The following CCDC138 variants were observed in gnomAD, a reference collection of about 807,000 sequenced individuals.
The protein encoded by CCDC138 is coiled-coil domain containing 138.
Under a neutral mutation model 82.3 loss-of-function variants are expected in CCDC138, and 66 were observed. That is an observed-to-expected ratio of 0.80 (90% CI 0.66 to 0.98). The LOEUF is 0.98. Ranked by LOEUF, CCDC138 falls within the 50% of genes least tolerant of loss-of-function variation. CCDC138 has a pLI of 0.00. For missense variants in CCDC138, 816 were observed against 758.9 expected (o/e 1.08, Z -0.88); for synonymous variants, 297 against 265.4 (o/e 1.12, Z -1.16).
intron 10 of CCDC138, among the ~76,000 whole-genome samples, chr2:108,829,614 T>G (rs1053606925): frequency 1.6e-4 from 25 of 152,286 alleles, no homozygotes; most frequent in African/African-American, 5.3e-4. Flanking sequence ...AGTGTGGTGA[T>G]GCACACCTGT....
At chr2:108,806,686 A>AT (rs1404683843) in intron 7 of CCDC138, among the ~76,000 whole-genome samples, 3 of 152,262 alleles carry the variant, frequency 2.0e-5, no homozygotes, top group Admixed American at 2.0e-4. Context: ...CAATGGGCAT[A>AT]TTTAGCCAGC....
At chr2:108,852,417 T>G (rs1282091833) in intron 12 of CCDC138, among the ~76,000 whole-genome samples, 1 of 152,188 alleles carries the variant, frequency 6.6e-6, no homozygotes, top group Non-Finnish European at 1.5e-5. Flanking sequence ...CCCAAACTAA[T>G]AGAAATTGTT....
rs939919196 is a variant in CCDC138, at chr2:108,846,862, T to C, written c.1448T>C (p.Phe483Ser). The C allele has an allele frequency of 1.2e-6, 2 of 1,613,838 alleles. No individual in the cohort carries two copies. Among genetic ancestry groups the C allele is most frequent in the African/African-American group, 1.3e-5 (1 of 75,030 alleles). ...SVENKPKTAA[F>S]FKSSNLPLRF... ...GAGAATAAACCAAAGACAGCTGCTTTCTTTAAGAGCTCCAATTTGCCATTG... is the reference window on the plus strand; with the variant it reads ...GAGAATAAACCAAAGACAGCTGCTTCCTTTAAGAGCTCCAATTTGCCATTG... Residue 483 changes from phenylalanine to serine, a missense_variant, in exon 12 of 15, where the codon TTC (phenylalanine) becomes TCC (serine). Transcript: ENST00000295124.
intron 11 of CCDC138, among the ~76,000 whole-genome samples, chr2:108,842,270 C>A (rs961922179): frequency 6.6e-6 from 1 of 151,332 alleles, no homozygotes; most frequent in African/African-American, 2.4e-5. Flanking sequence ...AACTCTTGGC[C>A]TCAAGTGATC....
At chr2:108,844,586 C>T (rs994389431) in intron 11 of CCDC138, among the ~76,000 whole-genome samples, 12 of 152,150 alleles carry the variant, frequency 7.9e-5, no homozygotes, top group African/African-American at 2.9e-4. Flanking sequence ...CTTTCTGGTC[C>T]TTGGAATGGT....
chr2:108,809,330 AT>A (rs1683381371), intron 7 of CCDC138, among the ~76,000 whole-genome samples: 1 of 151,902 alleles, frequency 6.6e-6, no homozygotes, highest in South Asian at 2.1e-4. Flanking sequence ...ACAGTTTAGA[AT>A]TTTTTTCTAT....
chr2:108,811,247 C>CTCTTTTTTTTTTTT (rs760937756), intron 7 of CCDC138, among the ~76,000 whole-genome samples: 11 of 113,902 alleles, frequency 9.7e-5, no homozygotes, highest in South Asian at 3.0e-4. Flanking sequence ...TTCTCTCTCT[C>CTCTTTTTTTTTTTT]TTTTTTTTTT....
intron 5 of CCDC138, among the ~76,000 whole-genome samples, chr2:108,797,354 G>A (rs10211606): frequency 0.084 from 12,755 of 152,154 alleles, 710 homozygotes; most frequent in African/African-American, 0.15. Flanking sequence ...GGAAAGAGAC[G>A]GCAGTATAAA....
chr2:108,838,222 G>A (rs1273671509), intron 10 of CCDC138, among the ~76,000 whole-genome samples: 1 of 152,134 alleles, frequency 6.6e-6, no homozygotes, highest in African/African-American at 2.4e-5. Context: ...TCTAGGCCGA[G>A]CACTTTGCTG....
At chr2:108,861,760 C>T (rs1049530460) in intron 13 of CCDC138, among the ~76,000 whole-genome samples, 3 of 152,114 alleles carry the variant, frequency 2.0e-5, no homozygotes, top group Admixed American at 6.6e-5. Context: ...GGATTACAGG[C>T]GTGAGCCACC....
chr2:108,809,480 GT>G (rs1683428781), intron 7 of CCDC138, among the ~76,000 whole-genome samples: 2 of 150,338 alleles, frequency 1.3e-5, no homozygotes, highest in African/African-American at 5.0e-5. Flanking sequence ...GTGTGTGTGT[GT>G]GTGTGTGATC....
At chr2:108,786,756 C>T (rs1438898934), upstream of CCDC138, 9 of 1,437,394 alleles carry the variant, frequency 6.3e-6, no homozygotes, top group Non-Finnish European at 8.6e-6. Context: ...TGACGCACTG[C>T]GGCCGCGTAG....
At chr2:108,854,489 A>G (rs561688324) in intron 12 of CCDC138, among the ~76,000 whole-genome samples, 3 of 152,274 alleles carry the variant, frequency 2.0e-5, no homozygotes, top group East Asian at 3.9e-4. Context: ...TTTAGCTACT[A>G]TTGTTATCAG....
intron 10 of CCDC138, among the ~76,000 whole-genome samples, chr2:108,828,520 A>G (rs1244418840): frequency 6.6e-6 from 1 of 152,240 alleles, no homozygotes; most frequent in Admixed American, 6.5e-5. Context: ...CCAATGGGAT[A>G]GAATGGAGAG....
At chr2:108,832,344 CTTTT>C (rs1179620383) in intron 10 of CCDC138, among the ~76,000 whole-genome samples, 4 of 122,234 alleles carry the variant, frequency 3.3e-5, no homozygotes, top group African/African-American at 1.3e-4. Context: ...GTATTTCTTT[CTTTT>C]TTTTTTTTTT....
At chr2:108,877,897 G>A (rs1696135191), downstream of CCDC138, among the ~76,000 whole-genome samples, 1 of 152,158 alleles carries the variant, frequency 6.6e-6, no homozygotes, top group African/African-American at 2.4e-5. Flanking sequence ...TAGAAGAAAG[G>A]AAAAACCAGA....
At chr2:108,851,504 A>T (rs187694283) in intron 12 of CCDC138, among the ~76,000 whole-genome samples, 274 of 152,156 alleles carry the variant, frequency 1.8e-3, no homozygotes, top group Non-Finnish European at 2.2e-3. Flanking sequence ...GTTTCACCAC[A>T]TTGGCCAGGC....
chr2:108,829,892 G>A (rs901280702), intron 10 of CCDC138, among the ~76,000 whole-genome samples: 1 of 152,128 alleles, frequency 6.6e-6, no homozygotes, highest in African/African-American at 2.4e-5. Flanking sequence ...TTAAAACATA[G>A]AATTACCTTA....
chr2:108,820,296 A>C (rs544935417), intron 10 of CCDC138, among the ~76,000 whole-genome samples: 4 of 152,284 alleles, frequency 2.6e-5, no homozygotes, highest in Non-Finnish European at 5.9e-5. Context: ...AAGAGAAAAA[A>C]ACGAAGAAAA....
Sources: gnomAD v4.1 joint callset for allele counts (sites outside exome capture counted in the v4.1 genomes callset) on GRCh38, gnomAD v4.1.1 for gene constraint, MANE v1.5 for transcripts, NCBI Gene and HGNC (gene_info 2026-07-23, HGNC 2026-07-21) for gene names.